Variants in PKD1L3 observed in about 807,000 individuals in gnomAD.
The protein encoded by PKD1L3 is polycystin-1-like protein 3.
PKD1L3 carries 239 observed loss-of-function variants against 184.1 expected under a neutral mutation model. The ratio of observed to expected loss-of-function variants is 1.30; its 90% CI spans 1.17 to 1.45. The LOEUF (loss-of-function observed/expected upper bound fraction) is 1.45, where lower values mean the gene tolerates loss of function less well. Ranked by LOEUF, PKD1L3 falls within the 40% of genes most tolerant of loss-of-function variation. The pLI is 0.00. For synonymous variants in PKD1L3, 996 were observed against 778.8 expected, an observed-to-expected ratio of 1.28 and a Z score of -4.64; for missense variants, 2,660 against 2,067.2, an observed-to-expected ratio of 1.29 and a Z score of -5.56.
intron 6 of PKD1L3, among the ~76,000 whole-genome samples, chr16:71,983,345 C>T (rs889343696): frequency 4.6e-5 from 7 of 152,142 alleles, no homozygotes; most frequent in African/African-American, 1.7e-4. Context: ...CAGGGTTTCA[C>T]CATGTTGCCC....
rs1391093107 is a variant in PKD1L3 at position 71,979,805 on chromosome 16, T to A, written c.1379A>T (p.His460Leu). The change falls in exon 9 of 30, where the codon CAT (histidine) becomes CTT (leucine). Residue 460 changes from histidine to leucine, a missense_variant. Physicochemically the swap from His to Leu is moderately conservative, Grantham distance 99. Coordinates refer to ENST00000620267, the MANE Select transcript of PKD1L3 (RefSeq NM_181536.2). ...ALALKELLNK[H>L]PGVNVQITGL... ...ACTCACTTGGACATTAACTCCTGGA[T>A]GTTTATTCAAGAGCTCCTTCAAAGC... is the stretch of plus-strand genomic sequence containing the variant. The A allele has an allele frequency of 1.3e-6, 2 of 1,508,624 alleles. No individual in the cohort carries two copies. Among genetic ancestry groups the A allele is most frequent in the East Asian group, 4.9e-5 (2 of 40,718 alleles). The allele number at this position is 1,508,624 out of a possible 1,614,324, so 93.5% of individuals were successfully genotyped here. A position where few individuals can be genotyped will look rare whatever the true frequency, so the allele number is the denominator to read the frequency against.
intron 7 of PKD1L3, among the ~76,000 whole-genome samples, chr16:71,981,240 C>T (rs941227826): frequency 6.6e-6 from 1 of 152,174 alleles, no homozygotes; most frequent in African/African-American, 2.4e-5. Flanking sequence ...CTTGGGTAGA[C>T]ACTAGGAGTA....
intron 3 of PKD1L3, among the ~76,000 whole-genome samples, chr16:71,991,511 G>T (rs1203347638): frequency 6.6e-6 from 1 of 152,202 alleles, no homozygotes; most frequent in South Asian, 2.1e-4. Context: ...ATACTGAGCA[G>T]ATGTGGAAAA....
At chr16:71,997,370 T>A (rs2040827772) in intron 2 of PKD1L3, among the ~76,000 whole-genome samples, 1 of 151,468 alleles carries the variant, frequency 6.6e-6, no homozygotes, top group South Asian at 2.1e-4. Context: ...GAGGATTGCT[T>A]GAGTCCAGGA....
chr16:71,943,558 A>AAAC (rs1555514236), intron 23 of PKD1L3, among the ~76,000 whole-genome samples: 1 of 151,160 alleles, frequency 6.6e-6, no homozygotes, highest in African/African-American at 2.4e-5. Context: ...AAAAAAAAAA[A>AAAC]CATAAAATCC....
intron 4 of PKD1L3, 61 bp from the exon 5 acceptor site, chr16:71,986,530 G>C: frequency 6.7e-7 from 1 of 1,482,752 alleles, no homozygotes; most frequent in South Asian, 1.3e-5. Flanking sequence ...TTATAATTAA[G>C]GCAGCATTTC....
chr16:71,999,499 G>A (rs569964239), intron 1 of PKD1L3, among the ~76,000 whole-genome samples, 185 bp downstream of exon 1: 22 of 152,130 alleles, frequency 1.4e-4, no homozygotes, highest in Non-Finnish European at 2.9e-4. Context: ...CATCATTTTT[G>A]CTAACAGACA....
At position 71,947,594 on chromosome 16, in the gene PKD1L3, G is replaced by C; in HGVS notation, c.3619-3C>G. The stretch of plus-strand genomic sequence containing the variant: ...TATAAGAATGTGAAGAAGACCACCT[G>C]GGCAGGAGAATCACAGAACATCGTG... On this transcript the variant is annotated splice_polypyrimidine_tract_variant and splice_region_variant and intron_variant, in intron 21 of 29. Transcript: ENST00000620267. 6.6e-7 allele frequency: 1 copy of C among 1,521,452 alleles called. No homozygotes were observed. Among genetic ancestry groups the C allele is most frequent in the Non-Finnish European group, 8.9e-7 (1 of 1,120,908 alleles). The allele number at this position is 1,521,452 out of a possible 1,614,324, so 94.2% of individuals were successfully genotyped here. A position where few individuals can be genotyped will look rare whatever the true frequency, so the allele number is the denominator to read the frequency against.
chr16:71,962,064 A>G (rs1489080477), intron 16 of PKD1L3, among the ~76,000 whole-genome samples: 1 of 151,978 alleles, frequency 6.6e-6, no homozygotes, highest in Non-Finnish European at 1.5e-5. Context: ...AGCTGGGACT[A>G]CAGTCTCATG....
rs561216452 is a variant in PKD1L3, at chr16:71,975,742, A to T, written c.1759+1494T>A. On this transcript the variant is annotated intron_variant, in intron 11 of 29. Transcript: ENST00000620267. ...CTTATCCATCCTATAATCCATCTTTAAAAAAAAATGATTTTATGGTCACGT... is the reference window on the plus strand; with the variant it reads ...CTTATCCATCCTATAATCCATCTTTTAAAAAAAATGATTTTATGGTCACGT... Among the ~76,000 whole-genome samples, 13 of 149,148 alleles carry T rather than the reference A, an allele frequency of 8.7e-5. No individual in the cohort carries two copies. The South Asian group carries it at 1.9e-3, about 21-fold the overall frequency.
At chr16:71,973,601 A>G in intron 11 of PKD1L3, 84 bp from the exon 12 acceptor site, 1 of 1,227,838 alleles carries the variant, frequency 8.1e-7, no homozygotes, top group Non-Finnish European at 1.1e-6. Context: ...TCTATTATTA[A>G]TATTTTACAA....
intron 4 of PKD1L3, among the ~76,000 whole-genome samples, chr16:71,988,648 T>C (rs1304809708): frequency 5.3e-5 from 8 of 152,334 alleles, no homozygotes; most frequent in African/African-American, 1.4e-4. Flanking sequence ...CAACATATTA[T>C]AGGGGTGGCA....
chr16:71,968,982 T>C (rs1042375738), intron 13 of PKD1L3, among the ~76,000 whole-genome samples: 2 of 151,674 alleles, frequency 1.3e-5, no homozygotes, highest in African/African-American at 2.4e-5. Context: ...TGGAGTGCAG[T>C]GGGGCAATCT....
At chr16:71,976,931 G>A (rs1009671720) in intron 11 of PKD1L3, among the ~76,000 whole-genome samples, 4 of 152,168 alleles carry the variant, frequency 2.6e-5, no homozygotes, top group Non-Finnish European at 4.4e-5. Flanking sequence ...TTTTAGTAGA[G>A]ACAGGGTTTC....
chr16:71,930,521 C>T (rs1229041596), intron 28 of PKD1L3: 1 of 179,558 alleles, frequency 5.6e-6, no homozygotes, highest in African/African-American at 2.4e-5. Context: ...GGTAAGCAAA[C>T]ACTGAAAGAT....
At chr16:71,993,700 T>A (rs764412182) in intron 2 of PKD1L3, among the ~76,000 whole-genome samples, 4 of 152,186 alleles carry the variant, frequency 2.6e-5, no homozygotes, top group Non-Finnish European at 4.4e-5. Flanking sequence ...AATGGAAAAT[T>A]CCATACTAAG....
At chr16:71,969,682 A>G (rs2039636773) in intron 13 of PKD1L3, among the ~76,000 whole-genome samples, 193 bp downstream of exon 13, 1 of 148,570 alleles carries the variant, frequency 6.7e-6, no homozygotes, top group Non-Finnish European at 1.5e-5. Context: ...CCAAAGGAAA[A>G]AAAAATAGAG....
chr16:71,978,364 T>A lies in PKD1L3; in HGVS notation c.1418A>T (p.Asn473Ile), dbSNP rs368525812. 1.3e-6 allele frequency: 2 copies of A among 1,549,888 alleles called. No homozygotes were observed. The highest frequency in any genetic ancestry group is 2.0e-5 in the Admixed American group (1 of 50,890). ...VNVQITGLAFNPFKDLDNRNI... is the reference protein window; with the variant it reads ...VNVQITGLAFIPFKDLDNRNI... ...TCTGTTGTCCAAATCCTTGAAGGGA[T>A]TGAAAGCTAGTCCTGTTATCTAAAG... Residue 473 changes from asparagine (N) to isoleucine (I), a missense_variant, in exon 10 of 30, where the codon AAT becomes ATT. Asn to Ile is a moderately radical substitution (Grantham distance 149). Coordinates refer to ENST00000620267, the MANE Select transcript of PKD1L3 (RefSeq NM_181536.2).
intron 12 of PKD1L3, among the ~76,000 whole-genome samples, chr16:71,971,625 C>A (rs80028445): frequency 0.04 from 6,051 of 152,246 alleles, 376 homozygotes; most frequent in African/African-American, 0.14. Flanking sequence ...CTTCTCTACT[C>A]AAAGTATGGT....
Sources: allele counts gnomAD v4.1 joint callset (sites outside exome capture counted in the v4.1 genomes callset), GRCh38; gene constraint gnomAD v4.1.1; transcripts MANE v1.5; gene names NCBI Gene and HGNC (gene_info 2026-07-23, HGNC 2026-07-21).